Variants in SPATA22 observed in about 807,000 individuals in gnomAD.
SPATA22 encodes spermatogenesis associated 22, also known as spermatogenesis-associated protein 22.
A neutral mutation model predicts 47.8 loss-of-function variants in SPATA22; 29 were observed. The ratio of observed to expected loss-of-function variants is 0.61; its 90% CI spans 0.45 to 0.83. The LOEUF is 0.83. Among genes scored for constraint, SPATA22 ranks in the 40% least tolerant of loss-of-function variants. The probability of loss-of-function intolerance (pLI) is 0.00; values close to 1 mark genes in which losing one functional copy is unlikely to be tolerated. For missense variants in SPATA22, 410 were observed against 421.7 expected, an observed-to-expected ratio of 0.97 and a Z score of 0.24; for synonymous variants, 133 against 140.9, an observed-to-expected ratio of 0.94 and a Z score of 0.40.
At position 3,458,389 on chromosome 17, in the gene SPATA22, T is replaced by C. The variant is rs146091669; in HGVS notation, c.329+4094A>G. On this transcript the variant is annotated intron_variant, in intron 5 of 8. Transcript: ENST00000572969. ...CACTCTTGGTGGAAATGTAACTTGATACAGCCATTATGAAAAACAGTATGG... is the reference window on the plus strand; with the variant it reads ...CACTCTTGGTGGAAATGTAACTTGACACAGCCATTATGAAAAACAGTATGG... 2.8e-4 allele frequency among the ~76,000 whole-genome samples: 42 copies of C among 152,294 alleles called. 1 individual carries two copies. The East Asian group carries it at 7.5e-3, about 27-fold the overall frequency.
At chr17:3,477,042 C>A (rs1324139378) in intron 1 of SPATA22, among the ~76,000 whole-genome samples, 6 of 151,842 alleles carry the variant, frequency 4.0e-5, no homozygotes, top group African/African-American at 7.3e-5. Flanking sequence ...GTAGTCCCAG[C>A]TACTTGGGAG....
At chr17:3,507,757 C>T (rs2074055788) in intron 1 of SPATA22, among the ~76,000 whole-genome samples, 1 of 152,166 alleles carries the variant, frequency 6.6e-6, no homozygotes, top group African/African-American at 2.4e-5. Flanking sequence ...GCTTTGTAAA[C>T]AGTGTAGCAT....
At chr17:3,464,589 G>C (rs1245613664) in intron 3 of SPATA22, among the ~76,000 whole-genome samples, 4 of 143,134 alleles carry the variant, frequency 2.8e-5, no homozygotes, top group African/African-American at 1.0e-4. Context: ...GTCTCTGCCG[G>C]GCCGCCCATC....
At chr17:3,443,499 G>A (rs1055072298) in intron 7 of SPATA22, among the ~76,000 whole-genome samples, 1 of 152,044 alleles carries the variant, frequency 6.6e-6, no homozygotes, top group South Asian at 2.1e-4. Context: ...TATATGCCAA[G>A]CTCATACAAT....
At chr17:3,444,012 G>A (rs1311209818) in intron 7 of SPATA22, among the ~76,000 whole-genome samples, 1 of 151,814 alleles carries the variant, frequency 6.6e-6, no homozygotes, top group South Asian at 2.1e-4. Context: ...TGTACCCTTT[G>A]ACCTACATCT....
chr17:3,491,783 G>A (rs2073829957), intron 1 of SPATA22, among the ~76,000 whole-genome samples: 3 of 150,598 alleles, frequency 2.0e-5, no homozygotes, highest in Non-Finnish European at 4.4e-5. Flanking sequence ...GTCTACATTA[G>A]AAAGAAATTC....
chr17:3,499,583 T>C (rs1310710411), intron 1 of SPATA22: 1 of 153,046 alleles, frequency 6.5e-6, no homozygotes, highest in African/African-American at 2.4e-5. Flanking sequence ...CAAGCTTTTT[T>C]ATGATTTATT....
intron 1 of SPATA22, among the ~76,000 whole-genome samples, chr17:3,486,354 A>G (rs996547365): frequency 6.6e-6 from 1 of 152,222 alleles, no homozygotes; most frequent in Admixed American, 6.5e-5. Context: ...CATCTGGAAC[A>G]AAAATAGTCC....
chr17:3,506,970 G>A (rs150515757), intron 1 of SPATA22, among the ~76,000 whole-genome samples: 1 of 108,828 alleles, frequency 9.2e-6, no homozygotes, highest in African/African-American at 3.6e-5. Flanking sequence ...GAGAGAAAGA[G>A]AGAGAGAAGG....
At chr17:3,511,589 G>A (rs1241095433) in intron 1 of SPATA22, 1 of 152,208 alleles carries the variant, frequency 6.6e-6, no homozygotes, top group East Asian at 1.9e-4. Context: ...GCCTTTTGGG[G>A]TGGACACTGT....
At chr17:3,460,167 A>C (rs912776924) in intron 5 of SPATA22, among the ~76,000 whole-genome samples, 1 of 152,304 alleles carries the variant, frequency 6.6e-6, no homozygotes, top group African/African-American at 2.4e-5. Context: ...ATATAAATAC[A>C]TCAGAACTGT....
At chr17:3,468,677 T>C (rs931123033) in intron 2 of SPATA22, among the ~76,000 whole-genome samples, 3 of 152,352 alleles carry the variant, frequency 2.0e-5, no homozygotes, top group African/African-American at 7.2e-5. Flanking sequence ...TGCTACTTCA[T>C]GGATTACTTA....
intron 1 of SPATA22, chr17:3,499,256 A>C: frequency 1.8e-6 from 1 of 570,064 alleles, no homozygotes; most frequent in African/African-American, 1.9e-5. Context: ...TATATCTTTA[A>C]AGATATCATA....
At chr17:3,458,484 A>G (rs2073046038) in intron 5 of SPATA22, among the ~76,000 whole-genome samples, 1 of 152,218 alleles carries the variant, frequency 6.6e-6, no homozygotes, top group Admixed American at 6.5e-5. Context: ...TGTATATCCA[A>G]AGGAAATGAA....
intron 1 of SPATA22, among the ~76,000 whole-genome samples, chr17:3,484,447 T>A (rs1186959241): frequency 1.3e-5 from 2 of 152,150 alleles, no homozygotes; most frequent in Non-Finnish European, 2.9e-5. Flanking sequence ...AGGAAAGACC[T>A]AACCCAGTCT....
chr17:3,458,270 A>G (rs535739769), intron 5 of SPATA22, among the ~76,000 whole-genome samples: 5 of 152,322 alleles, frequency 3.3e-5, no homozygotes, highest in African/African-American at 7.2e-5. Flanking sequence ...CTACAATGAT[A>G]TATTATCAAT....
At chr17:3,448,229 A>C (rs2150700749) in intron 6 of SPATA22, among the ~76,000 whole-genome samples, 1 of 152,346 alleles carries the variant, frequency 6.6e-6, no homozygotes, top group East Asian at 1.9e-4. Flanking sequence ...CATAAAGCAA[A>C]GGTCATAATA....
chr17:3,443,342 T>A, intron 7 of SPATA22, 71 bp from the exon 8 acceptor site: 1 of 1,105,064 alleles, frequency 9.0e-7, no homozygotes. Flanking sequence ...AAAGAGAAGC[T>A]GATGTTTAAA....
At chr17:3,471,840 G>A (rs951647371), upstream of SPATA22, 111 of 985,442 alleles carry the variant, frequency 1.1e-4, no homozygotes, top group African/African-American at 1.9e-4. Flanking sequence ...CAGGCGCCGT[G>A]GACCGCGCAG....
Sources: allele counts gnomAD v4.1 joint callset (sites outside exome capture counted in the v4.1 genomes callset), GRCh38; gene constraint gnomAD v4.1.1; transcripts MANE v1.5; gene names NCBI Gene and HGNC (gene_info 2026-07-23, HGNC 2026-07-21).